Variants in EPHA6 observed in about 807,000 individuals in gnomAD.
EPHA6 encodes the protein EPH receptor A6, also known as ephrin type-A receptor 6.
EPHA6 carries 50 observed loss-of-function variants against 112.0 expected under a neutral mutation model. That is an observed-to-expected ratio of 0.45 (90% CI 0.36 to 0.56). The LOEUF (loss-of-function observed/expected upper bound fraction) is 0.56, where lower values mean the gene tolerates loss of function less well. EPHA6 is among the 20% of genes least tolerant of loss of function. The pLI is 0.00. For synonymous variants in EPHA6, 529 were observed against 490.7 expected (o/e 1.08, Z -1.03); for missense variants, 1,280 against 1,417.4 (o/e 0.90, Z 1.56).
intron 5 of EPHA6, among the ~76,000 whole-genome samples, chr3:97,345,660 A>T (rs1031539630): frequency 2.0e-5 from 3 of 152,150 alleles, no homozygotes; most frequent in African/African-American, 7.2e-5. Context: ...AAGAGAAGGT[A>T]TTGGATATCT....
chr3:97,650,610 G>A (rs1192820057), intron 14 of EPHA6, among the ~76,000 whole-genome samples: 2 of 151,886 alleles, frequency 1.3e-5, no homozygotes, highest in East Asian at 1.9e-4. Flanking sequence ...GCCAAACTTT[G>A]AGAAAACCTC....
intron 5 of EPHA6, among the ~76,000 whole-genome samples, chr3:97,292,147 G>A (rs1227033537): frequency 1.3e-5 from 2 of 152,206 alleles, no homozygotes; most frequent in Non-Finnish European, 2.9e-5. Context: ...CTTCCGCTGC[G>A]GGCACCAGTG....
At chr3:97,535,425 G>T (rs575477416) in intron 11 of EPHA6, among the ~76,000 whole-genome samples, 2 of 152,246 alleles carry the variant, frequency 1.3e-5, no homozygotes, top group South Asian at 2.1e-4. Flanking sequence ...ACTTGTTAGA[G>T]TGAGCCCCGT....
chr3:97,573,719 T>C (rs1040594294), intron 11 of EPHA6, among the ~76,000 whole-genome samples: 55 of 152,136 alleles, frequency 3.6e-4, no homozygotes, highest in African/African-American at 1.2e-3. Flanking sequence ...ATGTTTAGCC[T>C]ACAGTCAAAA....
intron 14 of EPHA6, among the ~76,000 whole-genome samples, chr3:97,661,691 G>A (rs1386742035): frequency 2.6e-5 from 4 of 152,058 alleles, no homozygotes; most frequent in Non-Finnish European, 5.9e-5. Context: ...AATCCTACTT[G>A]AGTGAAGGAA....
intron 12 of EPHA6, among the ~76,000 whole-genome samples, chr3:97,597,377 G>A (rs2107378307): frequency 6.6e-6 from 1 of 152,212 alleles, no homozygotes; most frequent in East Asian, 1.9e-4. Context: ...TCAAATAACA[G>A]GAGAATTATG....
chr3:97,052,873 G>T (rs1248373785), intron 3 of EPHA6, among the ~76,000 whole-genome samples: 1 of 151,996 alleles, frequency 6.6e-6, no homozygotes, highest in Non-Finnish European at 1.5e-5. Flanking sequence ...TCTCTATCAG[G>T]GGAGGCCTAC....
intron 7 of EPHA6, among the ~76,000 whole-genome samples, chr3:97,467,455 A>G (rs1047310820): frequency 4.0e-5 from 6 of 151,846 alleles, no homozygotes; most frequent in South Asian, 4.1e-4. Context: ...TATAACCCCA[A>G]GTGCATAGAT....
At chr3:97,430,939 C>T (rs1464537379) in intron 6 of EPHA6, among the ~76,000 whole-genome samples, 10 of 151,932 alleles carry the variant, frequency 6.6e-5, no homozygotes, top group East Asian at 1.9e-4. Flanking sequence ...TTTAATATCA[C>T]GTATTTGCAG....
At chr3:97,160,433 T>A (rs376910410) in intron 3 of EPHA6, among the ~76,000 whole-genome samples, 1 of 151,908 alleles carries the variant, frequency 6.6e-6, no homozygotes, top group African/African-American at 2.4e-5. Context: ...CCCCCCACCA[T>A]GCCTGGCTAA....
intron 3 of EPHA6, among the ~76,000 whole-genome samples, chr3:96,991,612 T>C (rs1036716327): frequency 5.9e-5 from 9 of 152,168 alleles, no homozygotes; most frequent in African/African-American, 2.2e-4. Context: ...CAATACATTA[T>C]TTTACAGTCT....
intron 6 of EPHA6, among the ~76,000 whole-genome samples, chr3:97,408,283 A>T (rs1226930015): frequency 6.6e-6 from 1 of 152,080 alleles, no homozygotes; most frequent in Non-Finnish European, 1.5e-5. Flanking sequence ...ACGGTGGCTC[A>T]TGCCTGTAAT....
At chr3:97,638,551 AT>A (rs1351940424) in intron 14 of EPHA6, among the ~76,000 whole-genome samples, 2 of 152,170 alleles carry the variant, frequency 1.3e-5, no homozygotes, top group Non-Finnish European at 1.5e-5. Flanking sequence ...CTTTGGAGAT[AT>A]ATAAGTACAC....
At chr3:97,054,758 A>G (rs2045799592) in intron 3 of EPHA6, among the ~76,000 whole-genome samples, 1 of 152,090 alleles carries the variant, frequency 6.6e-6, no homozygotes, top group Non-Finnish European at 1.5e-5. Flanking sequence ...TTTTTACCTG[A>G]TACTAAATTT....
At chr3:97,130,347 C>T (rs2048305897) in intron 3 of EPHA6, among the ~76,000 whole-genome samples, 1 of 150,424 alleles carries the variant, frequency 6.6e-6, no homozygotes, top group African/African-American at 2.4e-5. Context: ...TTTCTCAATT[C>T]TTCTACATAT....
At chr3:97,631,481 C>CT (rs912617758) in intron 13 of EPHA6, among the ~76,000 whole-genome samples, 1 of 151,912 alleles carries the variant, frequency 6.6e-6, no homozygotes, top group African/African-American at 2.4e-5. Flanking sequence ...ACTTAGCCTT[C>CT]TTTTTTTGTC....
chr3:97,303,396 T>C (rs2081177701), intron 5 of EPHA6, among the ~76,000 whole-genome samples: 1 of 151,998 alleles, frequency 6.6e-6, no homozygotes, highest in African/African-American at 2.4e-5. Flanking sequence ...TTAAATAGTG[T>C]ATTAGTCCGA....
At chr3:97,499,744 G>T (rs555178644) in intron 10 of EPHA6, among the ~76,000 whole-genome samples, 1 of 152,172 alleles carries the variant, frequency 6.6e-6, no homozygotes, top group African/African-American at 2.4e-5. Flanking sequence ...TGGTATAAAA[G>T]TGCCCTACCT....
intron 2 of EPHA6, among the ~76,000 whole-genome samples, chr3:96,924,525 CAGCTTAAGA>C (rs1305490558): frequency 6.6e-6 from 1 of 152,160 alleles, no homozygotes; most frequent in Non-Finnish European, 1.5e-5. Context: ...AGTTGCTTAT[CAGCTTAAGA>C]AGCTTTTTGG....
Sources: gnomAD v4.1 joint callset for allele counts (sites outside exome capture counted in the v4.1 genomes callset) on GRCh38, gnomAD v4.1.1 for gene constraint, MANE v1.5 for transcripts, NCBI Gene and HGNC (gene_info 2026-07-23, HGNC 2026-07-21) for gene names.